TTLL11: variants seen among roughly 807,000 people sequenced by gnomAD.
TTLL11 encodes the protein tubulin tyrosine ligase like 11.
A neutral mutation model predicts 51.7 loss-of-function variants in TTLL11; 42 were observed. The ratio of observed to expected loss-of-function variants is 0.81; its 90% confidence interval spans 0.64 to 1.05. TTLL11 has a LOEUF of 1.05. Ranked by LOEUF, TTLL11 falls within the 50% of genes least tolerant of loss-of-function variation. TTLL11 has a pLI of 0.00. For missense variants in TTLL11, 799 were observed against 940.4 expected, an observed-to-expected ratio of 0.85 and a Z score of 1.97; for synonymous variants, 381 against 383.5, an observed-to-expected ratio of 0.99 and a Z score of 0.08.
At chr9:121,830,403 C>T (rs931987154) in intron 8 of TTLL11, among the ~76,000 whole-genome samples, 1 of 152,190 alleles carries the variant, frequency 6.6e-6, no homozygotes, top group Non-Finnish European at 1.5e-5. Flanking sequence ...GAATCCCGCT[C>T]CTTCCCCTCC....
At chr9:121,863,647 C>A (rs1406346507) in intron 7 of TTLL11, among the ~76,000 whole-genome samples, 1 of 152,164 alleles carries the variant, frequency 6.6e-6, no homozygotes, top group East Asian at 1.9e-4. Flanking sequence ...ATGCTGGCTG[C>A]GGTAGGCAGG....
At chr9:121,834,862 C>T (rs1019203954) in intron 8 of TTLL11, among the ~76,000 whole-genome samples, 1 of 152,148 alleles carries the variant, frequency 6.6e-6, no homozygotes, top group Middle Eastern at 3.4e-3. Context: ...ACAAGTGCTT[C>T]CCATCATCTT....
intron 1 of TTLL11, among the ~76,000 whole-genome samples, chr9:122,054,043 T>C (rs1163466878): frequency 6.6e-6 from 1 of 152,228 alleles, no homozygotes; most frequent in Non-Finnish European, 1.5e-5. Flanking sequence ...TGAAGTTTCC[T>C]TTTCCTGTTC....
At chr9:122,029,249 AT>A (rs1365102353) in intron 3 of TTLL11, among the ~76,000 whole-genome samples, 4 of 152,136 alleles carry the variant, frequency 2.6e-5, no homozygotes, top group African/African-American at 7.2e-5. Context: ...TTTTATTGTT[AT>A]TTTAGAGTGT....
At chr9:122,012,262 C>G (rs1843816070) in intron 3 of TTLL11, among the ~76,000 whole-genome samples, 1 of 152,086 alleles carries the variant, frequency 6.6e-6, no homozygotes, top group African/African-American at 2.4e-5. Context: ...GTGACTCAGG[C>G]TACATCACTA....
chr9:122,047,519 C>A (rs1435622782), intron 1 of TTLL11, among the ~76,000 whole-genome samples: 2 of 151,914 alleles, frequency 1.3e-5, no homozygotes, highest in Middle Eastern at 3.4e-3. Context: ...CATGCCCCCA[C>A]CCCCTCTCCC....
chr9:121,916,022 C>T (rs1219803672), intron 6 of TTLL11, among the ~76,000 whole-genome samples: 4 of 151,580 alleles, frequency 2.6e-5, no homozygotes, highest in Non-Finnish European at 5.9e-5. Flanking sequence ...CACACACACA[C>T]ACACACACAC....
Position 122,004,116 on chromosome 9 carries a change from C to T in TTLL11, c.694-14346G>A, listed in dbSNP as rs573192294. Among the ~76,000 whole-genome samples, 76 of 150,948 alleles carry T rather than the reference C, an allele frequency of 5.0e-4. No homozygotes were observed. The Middle Eastern group carries it at 0.01, about 21-fold the overall frequency. On this transcript the variant is annotated intron_variant, in intron 3 of 8. Transcript: ENST00000321582. ...CAGCCTGGATGACAGAGTGAGACTCCATCTCAAAAAAAAATAATAAAATAA... is the reference window on the plus strand; with the variant it reads ...CAGCCTGGATGACAGAGTGAGACTCTATCTCAAAAAAAAATAATAAAATAA...
At chr9:122,017,830 A>T (rs866656980) in intron 3 of TTLL11, among the ~76,000 whole-genome samples, 1 of 152,228 alleles carries the variant, frequency 6.6e-6, no homozygotes, top group Non-Finnish European at 1.5e-5. Flanking sequence ...TCCTACGCAC[A>T]TTCAATGGGA....
chr9:121,977,970 C>A (rs761062477), intron 4 of TTLL11, among the ~76,000 whole-genome samples: 2 of 152,110 alleles, frequency 1.3e-5, no homozygotes, highest in Non-Finnish European at 2.9e-5. Context: ...CCACCGCGTC[C>A]GGCCCAGAAA....
At chr9:121,999,541 C>T (rs1377759434) in intron 3 of TTLL11, among the ~76,000 whole-genome samples, 1 of 152,142 alleles carries the variant, frequency 6.6e-6, no homozygotes, top group African/African-American at 2.4e-5. Flanking sequence ...CCTTACAGTC[C>T]CTGAATCGTC....
At chr9:121,926,226 CTGG>C (rs1564308524) in intron 6 of TTLL11, among the ~76,000 whole-genome samples, 3 of 152,124 alleles carry the variant, frequency 2.0e-5, no homozygotes, top group Non-Finnish European at 4.4e-5. Flanking sequence ...ACAGCCAGAA[CTGG>C]CCCTGGGGGA....
intron 6 of TTLL11, among the ~76,000 whole-genome samples, chr9:121,941,530 T>G (rs1841469261): frequency 6.6e-6 from 1 of 152,236 alleles, no homozygotes; most frequent in South Asian, 2.1e-4. Context: ...CTCATGTTAA[T>G]TCATTGTTTC....
intron 2 of TTLL11, among the ~76,000 whole-genome samples, chr9:122,037,596 C>A (rs576978203): frequency 6.6e-6 from 1 of 152,102 alleles, no homozygotes; most frequent in Non-Finnish European, 1.5e-5. Context: ...CTTGCTTGGA[C>A]CTTAGAAGGC....
At chr9:121,914,846 C>T (rs917441717) in intron 6 of TTLL11, among the ~76,000 whole-genome samples, 4 of 152,150 alleles carry the variant, frequency 2.6e-5, no homozygotes, top group African/African-American at 9.7e-5. Flanking sequence ...GGAGCCAGAT[C>T]CCATAGAGAA....
intron 8 of TTLL11, among the ~76,000 whole-genome samples, chr9:121,847,082 C>A (rs1186758059): frequency 6.6e-6 from 1 of 151,858 alleles, no homozygotes; most frequent in Non-Finnish European, 1.5e-5. Context: ...TGGTGGCTGG[C>A]GCCTATAGTC....
intron 6 of TTLL11, among the ~76,000 whole-genome samples, chr9:121,918,280 G>C (rs915428741): frequency 6.6e-6 from 1 of 152,218 alleles, no homozygotes; most frequent in African/African-American, 2.4e-5. Flanking sequence ...GCTGCTACAG[G>C]GTAGAGCATT....
chr9:122,004,893 C>T (rs1006462645), intron 3 of TTLL11, among the ~76,000 whole-genome samples: 7 of 152,212 alleles, frequency 4.6e-5, no homozygotes, highest in Admixed American at 3.9e-4. Flanking sequence ...ACCACATCAG[C>T]TTGGTTCAGC....
intron 2 of TTLL11, among the ~76,000 whole-genome samples, chr9:122,032,093 A>G (rs1055429835): frequency 6.6e-6 from 1 of 152,240 alleles, no homozygotes; most frequent in African/African-American, 2.4e-5. Context: ...AAAATGAAGC[A>G]TCAGTTTGAA....
Sources: gnomAD v4.1 joint callset for allele counts (sites outside exome capture counted in the v4.1 genomes callset) on GRCh38, gnomAD v4.1.1 for gene constraint, MANE v1.5 for transcripts, NCBI Gene and HGNC (gene_info 2026-07-23, HGNC 2026-07-21) for gene names.